The following LRRC7 variants were observed in gnomAD, a reference collection of about 807,000 sequenced individuals.
LRRC7 encodes leucine rich repeat containing 7, also known as leucine-rich repeat-containing protein 7.
Under a neutral mutation model 175.7 loss-of-function variants are expected in LRRC7, and 23 were observed. That is an observed-to-expected ratio of 0.13 (90% CI 0.09 to 0.19). The LOEUF (loss-of-function observed/expected upper bound fraction) is 0.19. Among genes scored for constraint, LRRC7 ranks in the 10% least tolerant of loss-of-function variants. The probability of loss-of-function intolerance (pLI) is 1.00; values close to 1 mark genes in which losing one functional copy is unlikely to be tolerated. For missense variants in LRRC7, 1,354 were observed against 1,904.7 expected (o/e 0.71, Z 5.38); for synonymous variants, 685 against 680.9 (o/e 1.01, Z -0.09).
chr1:69,673,603 C>T (rs1323541829), intron 1 of LRRC7, among the ~76,000 whole-genome samples: 1 of 152,104 alleles, frequency 6.6e-6, no homozygotes, highest in Non-Finnish European at 1.5e-5. Context: ...AACTGTAGAT[C>T]ATAGATAATG....
chr1:69,685,517 A>G (rs533686501), intron 2 of LRRC7, among the ~76,000 whole-genome samples: 44 of 152,060 alleles, frequency 2.9e-4, no homozygotes, highest in Middle Eastern at 3.4e-3. Flanking sequence ...ATCTCAGGGG[A>G]AAAAAAAGAA....
intron 26 of LRRC7, among the ~76,000 whole-genome samples, chr1:70,111,307 A>C (rs975907435): frequency 2.0e-5 from 3 of 152,150 alleles, no homozygotes; most frequent in Non-Finnish European, 4.4e-5. Context: ...GCAATAAGGG[A>C]TGATGTTAAT....
chr1:70,011,359 A>G (rs945024381), intron 11 of LRRC7, among the ~76,000 whole-genome samples: 2 of 151,960 alleles, frequency 1.3e-5, no homozygotes, highest in African/African-American at 4.8e-5. Context: ...AATCTCTAAA[A>G]TGCTTAGTAA....
chr1:69,885,205 T>A (rs934226865), intron 7 of LRRC7, among the ~76,000 whole-genome samples: 1 of 125,374 alleles, frequency 8.0e-6, no homozygotes, highest in African/African-American at 3.2e-5. Context: ...CAGTTCCTCC[T>A]TGTACCTCTG....
At chr1:69,781,242 C>T (rs1360743937) in intron 3 of LRRC7, among the ~76,000 whole-genome samples, 3 of 152,014 alleles carry the variant, frequency 2.0e-5, no homozygotes, top group Admixed American at 2.0e-4. Flanking sequence ...TCTTCTGGGG[C>T]CTGCGGCCTT....
At chr1:70,020,284 AT>A (rs923262964) in intron 15 of LRRC7, among the ~76,000 whole-genome samples, 1 of 151,986 alleles carries the variant, frequency 6.6e-6, no homozygotes, top group Non-Finnish European at 1.5e-5. Flanking sequence ...CTTTGCCATA[AT>A]GTTGCAAAGA....
At chr1:69,585,655 CAA>C (rs1646375529) in intron 1 of LRRC7, among the ~76,000 whole-genome samples, 1 of 152,068 alleles carries the variant, frequency 6.6e-6, no homozygotes, top group Admixed American at 6.6e-5. Flanking sequence ...AACATAAACA[CAA>C]AAAGAGATAC....
Position 69,568,528 on chromosome 1 carries a change from C to A in LRRC7, c.-112C>A. 1.9e-6 allele frequency: 2 copies of A among 1,047,714 alleles called. No individual in the cohort carries two copies. Among genetic ancestry groups the A allele is most frequent in the Non-Finnish European group, 2.6e-6 (2 of 769,524 alleles). 64.9% of individuals were successfully genotyped at this position (1,047,714 alleles called of 1,614,324 possible). Reference sequence around the variant, plus strand: ...CTACTCCTTCCCTCCTCTTCTCCTCCGAAGACCCTGGCGCCCACTCCACTG... The same window carrying A: ...CTACTCCTTCCCTCCTCTTCTCCTCAGAAGACCCTGGCGCCCACTCCACTG... On this transcript the variant is annotated 5_prime_UTR_variant, in exon 1 of 27. Transcript: ENST00000651989.
rs577744718 is a variant in LRRC7 at position 69,658,240 on chromosome 1, CAT to C, written c.3-20138_3-20137del. Among the ~76,000 whole-genome samples, 579 of 151,970 alleles carry C rather than the reference CAT, an allele frequency of 3.8e-3. 1 individual carries two copies. Among genetic ancestry groups the C allele is most frequent in the Non-Finnish European group, 6.2e-3 (424 of 67,874 alleles). ...CCATTACATCATATTTTTAGTATAACATATTTTAAATAATTCATATTAGCTTG... is the reference window on the plus strand; with the variant it reads ...CCATTACATCATATTTTTAGTATAACATTTTAAATAATTCATATTAGCTTG... On this transcript the variant is annotated intron_variant, in intron 1 of 26. Coordinates refer to ENST00000651989, the MANE Select transcript of LRRC7 (RefSeq NM_001370785.2).
chr1:70,068,207 G>GT (rs1377539487), intron 23 of LRRC7, among the ~76,000 whole-genome samples: 1 of 152,052 alleles, frequency 6.6e-6, no homozygotes, highest in Non-Finnish European at 1.5e-5. Context: ...AAAGCATTTG[G>GT]TTTTTTCCCA....
intron 7 of LRRC7, among the ~76,000 whole-genome samples, chr1:69,885,403 TA>T (rs1463186661): frequency 6.9e-6 from 1 of 145,934 alleles, no homozygotes; most frequent in East Asian, 2.0e-4. Flanking sequence ...TTTATTTGCG[TA>T]GAGGTGTTTG....
At chr1:69,570,262 A>G (rs1645686072) in intron 1 of LRRC7, among the ~76,000 whole-genome samples, 1 of 152,050 alleles carries the variant, frequency 6.6e-6, no homozygotes, top group Admixed American at 6.6e-5. Context: ...TTCCAGCCTG[A>G]GCCTATGAGA....
At chr1:69,768,827 T>G (rs968592381) in intron 3 of LRRC7, among the ~76,000 whole-genome samples, 2 of 152,212 alleles carry the variant, frequency 1.3e-5, no homozygotes, top group Non-Finnish European at 2.9e-5. Context: ...TTTGCATTTT[T>G]CCTTCCTCCC....
chr1:69,587,261 CA>C (rs1646440115), intron 1 of LRRC7, among the ~76,000 whole-genome samples: 1 of 152,008 alleles, frequency 6.6e-6, no homozygotes, highest in South Asian at 2.1e-4. Flanking sequence ...TTATGATCTC[CA>C]ATTTCTAAAT....
At chr1:69,671,315 C>T (rs1012022671) in intron 1 of LRRC7, among the ~76,000 whole-genome samples, 1 of 152,046 alleles carries the variant, frequency 6.6e-6, no homozygotes, top group African/African-American at 2.4e-5. Context: ...GGAAAGGGTG[C>T]CTCATGACTT....
chr1:69,753,965 ATCTGAAGGC>A (rs1670128685), intron 2 of LRRC7, among the ~76,000 whole-genome samples: 1 of 152,080 alleles, frequency 6.6e-6, no homozygotes, highest in Non-Finnish European at 1.5e-5. Context: ...GTAGCCATAG[ATCTGAAGGC>A]TCTAGTATAG....
At chr1:69,589,641 T>C (rs1365490046) in intron 1 of LRRC7, among the ~76,000 whole-genome samples, 1 of 152,154 alleles carries the variant, frequency 6.6e-6, no homozygotes, top group Non-Finnish European at 1.5e-5. Context: ...AAACTATTAA[T>C]ATTTGGATGT....
In LRRC7 at chr1:69,760,210, C is replaced by T; in HGVS notation, c.120C>T (p.Thr40=). The part of the protein sequence containing the change: ...PEEELQCLEM[T]TKRKIIGRLV... ...CTCTAGTGCAGTGCCTGGAGATGAC[C>T]ACCAAACGGAAAATCATCGGCCGTC... is the stretch of plus-strand genomic sequence containing the variant. The change falls in exon 3 of 27, where the codon ACC becomes ACT. Residue 40 remains threonine, a synonymous_variant. Coordinates refer to ENST00000651989, the MANE Select transcript of LRRC7 (RefSeq NM_001370785.2). The T allele has an allele frequency of 6.2e-7, 1 of 1,612,656 alleles. No individual in the cohort carries two copies. The highest frequency in any genetic ancestry group is 8.5e-7 in the Non-Finnish European group (1 of 1,179,176).
At chr1:70,095,692 C>T (rs1026648745) in intron 25 of LRRC7, among the ~76,000 whole-genome samples, 4 of 152,082 alleles carry the variant, frequency 2.6e-5, no homozygotes, top group Admixed American at 2.0e-4. Flanking sequence ...ATTAATTCTT[C>T]AGGAAACTTT....
Sources: gnomAD v4.1 joint callset for allele counts (sites outside exome capture counted in the v4.1 genomes callset) on GRCh38, gnomAD v4.1.1 for gene constraint, MANE v1.5 for transcripts, NCBI Gene and HGNC (gene_info 2026-07-23, HGNC 2026-07-21) for gene names.